NOS1AP: variants seen among roughly 807,000 people sequenced by gnomAD.
NOS1AP encodes the protein carboxyl-terminal PDZ ligand of neuronal nitric oxide synthase protein.
NOS1AP carries 21 observed loss-of-function variants against 56.2 expected under a neutral mutation model. The ratio of observed to expected loss-of-function variants is 0.37; its 90% CI spans 0.26 to 0.54. The LOEUF (loss-of-function observed/expected upper bound fraction) is 0.54, where lower values mean the gene tolerates loss of function less well. Ranked by LOEUF, NOS1AP falls within the 20% of genes least tolerant of loss-of-function variation. The pLI is 0.84. For missense variants in NOS1AP, 522 were observed against 657.8 expected (o/e 0.79, Z 2.26); for synonymous variants, 270 against 274.6 (o/e 0.98, Z 0.17).
chr1:162,244,314 A>G (rs1653588858), intron 2 of NOS1AP, among the ~76,000 whole-genome samples: 1 of 152,170 alleles, frequency 6.6e-6, no homozygotes, highest in Non-Finnish European at 1.5e-5. Flanking sequence ...TCTTTGAGAC[A>G]CATTCTCAAG....
chr1:162,161,651 G>A lies in NOS1AP; in HGVS notation c.177+7175G>A, dbSNP rs372657296. 8.6e-4 allele frequency among the ~76,000 whole-genome samples: 130 copies of A among 151,960 alleles called. 4 individuals carry two copies. In the South Asian group the frequency reaches 0.023, roughly 27 times the overall value. ...TCTGTCACCCATGTTGGAGTGTGGCGGCATGATCATGGATCAGTACAGCCT... is the reference window on the plus strand; with the variant it reads ...TCTGTCACCCATGTTGGAGTGTGGCAGCATGATCATGGATCAGTACAGCCT... On this transcript the variant is annotated intron_variant, in intron 2 of 9. Coordinates refer to ENST00000361897, the MANE Select transcript of NOS1AP (RefSeq NM_014697.3).
At chr1:162,246,803 T>C (rs562835581) in intron 2 of NOS1AP, among the ~76,000 whole-genome samples, 67 of 152,220 alleles carry the variant, frequency 4.4e-4, no homozygotes, top group Non-Finnish European at 8.5e-4. Flanking sequence ...GGGGTGTTGA[T>C]GGGAGACCTG....
chr1:162,278,250 T>C (rs1475189897), intron 2 of NOS1AP, among the ~76,000 whole-genome samples: 1 of 152,166 alleles, frequency 6.6e-6, no homozygotes, highest in Non-Finnish European at 1.5e-5. Flanking sequence ...CATTGAGTCA[T>C]GTTTAGAGCT....
chr1:162,299,950 T>A (rs943339681), intron 3 of NOS1AP, among the ~76,000 whole-genome samples: 3 of 152,136 alleles, frequency 2.0e-5, no homozygotes, highest in Non-Finnish European at 4.4e-5. Context: ...CTCTGAGAAA[T>A]CCATATAGCT....
chr1:162,069,947 A>C lies in NOS1AP; in HGVS notation c.-231A>C. ...CCTGCCGCCCTCCTAGCCGGCAGGA[A>C]TTGCGCGACCACAGCGCCGCTCGCG... On this transcript the variant is annotated 5_prime_UTR_variant, in exon 1 of 10. Transcript: ENST00000361897. 4.1e-5 allele frequency: 9 copies of C among 221,182 alleles called. No homozygotes were observed. Among genetic ancestry groups the C allele is most frequent in the Non-Finnish European group, 7.0e-5 (8 of 113,522 alleles). 13.7% of individuals were successfully genotyped at this position (221,182 alleles called of 1,614,324 possible).
At chr1:162,166,138 G>T (rs921361931) in intron 2 of NOS1AP, among the ~76,000 whole-genome samples, 1 of 152,116 alleles carries the variant, frequency 6.6e-6, no homozygotes, top group Non-Finnish European at 1.5e-5. Context: ...TACCAGTGCA[G>T]CCCCAGACTG....
chr1:162,087,050 C>G (rs1040490796), intron 1 of NOS1AP, among the ~76,000 whole-genome samples: 1 of 152,080 alleles, frequency 6.6e-6, no homozygotes, highest in African/African-American at 2.4e-5. Flanking sequence ...GCATAGGGCC[C>G]CAAAAGGTGG....
chr1:162,147,444 G>T (rs558411502), intron 1 of NOS1AP, among the ~76,000 whole-genome samples: 94 of 152,196 alleles, frequency 6.2e-4, no homozygotes, highest in Admixed American at 1.5e-3. Flanking sequence ...GGTGATGGCA[G>T]AAAGTCTAAC....
chr1:162,310,738 C>G (rs1655998291), intron 4 of NOS1AP, among the ~76,000 whole-genome samples: 1 of 152,142 alleles, frequency 6.6e-6, no homozygotes, highest in South Asian at 2.1e-4. Context: ...GATGATAATA[C>G]CCATCATAAT....
chr1:162,343,372 G>T (rs768088550), intron 5 of NOS1AP, among the ~76,000 whole-genome samples: 2 of 152,188 alleles, frequency 1.3e-5, no homozygotes, highest in Non-Finnish European at 2.9e-5. Flanking sequence ...ATTGGTTTCT[G>T]CTGTTTAGGC....
chr1:162,192,676 A>G (rs1651682550), intron 2 of NOS1AP, among the ~76,000 whole-genome samples: 1 of 152,214 alleles, frequency 6.6e-6, no homozygotes, highest in African/African-American at 2.4e-5. Flanking sequence ...CCACTGGCCA[A>G]TCCCTTTGCT....
chr1:162,170,061 C>T (rs893080417), intron 2 of NOS1AP, among the ~76,000 whole-genome samples: 3 of 152,202 alleles, frequency 2.0e-5, no homozygotes, highest in Non-Finnish European at 4.4e-5. Context: ...CTCAGACACC[C>T]TCTCTGTATT....
intron 2 of NOS1AP, among the ~76,000 whole-genome samples, chr1:162,283,484 A>C (rs1654997418): frequency 6.6e-6 from 1 of 152,132 alleles, no homozygotes; most frequent in African/African-American, 2.4e-5. Context: ...AAAAGGAAGC[A>C]CTGGGGTGTC....
intron 3 of NOS1AP, among the ~76,000 whole-genome samples, chr1:162,288,688 C>T (rs1303855149): frequency 6.6e-6 from 1 of 152,150 alleles, no homozygotes; most frequent in Non-Finnish European, 1.5e-5. Flanking sequence ...TTTCATGCTC[C>T]CTCAATACTT....
Position 162,261,360 on chromosome 1 carries a change from C to G in NOS1AP, c.178-25984C>G, listed in dbSNP as rs189676128. Reference sequence around the variant, plus strand: ...TATGGCAGCAGGGAGTTTGCAGATTCTTAATGTGCAAACTTTTAAGAATCT... The same window carrying G: ...TATGGCAGCAGGGAGTTTGCAGATTGTTAATGTGCAAACTTTTAAGAATCT... On this transcript the variant is annotated intron_variant, in intron 2 of 9. Transcript: ENST00000361897. 1.1e-3 allele frequency among the ~76,000 whole-genome samples: 150 copies of G among 135,854 alleles called. 19 individuals are homozygous for G. The highest frequency in any genetic ancestry group is 3.9e-3 in the African/African-American group (136 of 35,048). 89.1% of individuals were successfully genotyped at this position (135,854 alleles called of 152,430 possible).
chr1:162,355,251 G>A lies in NOS1AP; in HGVS notation c.660G>A (p.Ala220=), dbSNP rs187953184. ...TATAEETDID[A]VEVPLPGNDV... is the part of the protein sequence containing the mutation. The stretch of plus-strand genomic sequence containing the variant: ...CTGCAGAGGAGACTGACATCGATGC[G>A]GTGGAGGTCCCACTTCCAGGGAATG... Residue 220 remains alanine, a synonymous_variant, in exon 7 of 10, where the codon GCG becomes GCA. Transcript: ENST00000361897. The A allele has an allele frequency of 1.3e-4, 207 of 1,614,116 alleles. 1 individual carries two copies. Among genetic ancestry groups the A allele is most frequent in the African/African-American group, 9.7e-4 (73 of 75,032 alleles).
At chr1:162,240,334 G>C (rs773305043) in intron 2 of NOS1AP, among the ~76,000 whole-genome samples, 1 of 151,142 alleles carries the variant, frequency 6.6e-6, no homozygotes, top group Non-Finnish European at 1.5e-5. Flanking sequence ...CTGCCTTCTG[G>C]CCCTATGGGC....
chr1:162,087,422 A>G (rs947272877), intron 1 of NOS1AP, among the ~76,000 whole-genome samples: 2 of 151,754 alleles, frequency 1.3e-5, no homozygotes, highest in African/African-American at 4.8e-5. Flanking sequence ...TAATTTGTCT[A>G]CTCTTTATTC....
intron 4 of NOS1AP, among the ~76,000 whole-genome samples, chr1:162,321,611 C>T (rs1656414924): frequency 1.3e-5 from 2 of 151,598 alleles, no homozygotes; most frequent in African/African-American, 4.9e-5. Context: ...GGAGATATAC[C>T]TAATGTAAAT....
Sources: allele counts gnomAD v4.1 joint callset (sites outside exome capture counted in the v4.1 genomes callset), GRCh38; gene constraint gnomAD v4.1.1; transcripts MANE v1.5; gene names NCBI Gene and HGNC (gene_info 2026-07-23, HGNC 2026-07-21).